CFAP99: variants seen among roughly 807,000 people sequenced by gnomAD.
CFAP99 encodes the protein cilia- and flagella-associated protein 99.
CFAP99 carries 84 observed loss-of-function variants against 82.7 expected under a neutral mutation model. The ratio of observed to expected loss-of-function variants is 1.02; its 90% CI spans 0.85 to 1.22. The LOEUF is 1.22. CFAP99 is among the 50% of genes most tolerant of loss of function. The pLI is 0.00. For missense variants in CFAP99, 1,059 were observed against 983.5 expected (o/e 1.08, Z -1.03); for synonymous variants, 456 against 429.5 (o/e 1.06, Z -0.76).
At chr4:2,460,893 C>G (rs909516085) in intron 14 of CFAP99, among the ~76,000 whole-genome samples, 4 of 152,126 alleles carry the variant, frequency 2.6e-5, no homozygotes, top group Non-Finnish European at 4.4e-5. Flanking sequence ...CACACACCAC[C>G]ACGCCCGGCT....
chr4:2,438,170 C>T lies in CFAP99; in HGVS notation c.351+6C>T. The T allele has an allele frequency of 6.6e-7, 1 of 1,518,136 alleles. No homozygotes were observed. The highest frequency in any genetic ancestry group is 8.8e-7 in the Non-Finnish European group (1 of 1,130,804). 94.0% of individuals were successfully genotyped at this position (1,518,136 alleles called of 1,614,324 possible). On this transcript the variant is annotated splice_donor_region_variant and intron_variant, in intron 4 of 14. Coordinates refer to ENST00000635017, the Ensembl canonical transcript of CFAP99. ...CCGTGGATAAGATGTGCAAGGTGAG[C>T]CACCCCTACCTGCCCACCAGGCCAC...
chr4:2,439,392 C>T (rs375573421), intron 4 of CFAP99, among the ~76,000 whole-genome samples: 1 of 152,186 alleles, frequency 6.6e-6, no homozygotes, highest in African/African-American at 2.4e-5. Context: ...GGGAAAGCCC[C>T]TGGGCCCAGA....
Position 2,462,778 on chromosome 4 carries a change from C to G in CFAP99, c.1997C>G (p.Pro666Arg). ...GGCGCGGGAGGCGGTGGGGGCGTCC[C>G]TGCCCGCGCCGACGCGTTCCCCGGC... Residue 666 changes from proline to arginine, a missense_variant, in exon 15 of 15, where the codon CCT (proline) becomes CGT (arginine). Physicochemically the swap from Pro to Arg is moderately radical, Grantham distance 103. Transcript: ENST00000635017. This position sits in a 1 kb window ranked among gnomAD's most constrained non-coding sequence, Gnocchi z 4.1. The G allele has an allele frequency of 7.8e-7, 1 of 1,274,236 alleles. No homozygotes were observed. The highest frequency in any genetic ancestry group is 9.9e-7 in the Non-Finnish European group (1 of 1,011,696). The allele number at this position is 1,274,236 out of a possible 1,614,324, so 78.9% of individuals were successfully genotyped here.
rs940648355 is a variant in CFAP99, at chr4:2,436,934, C to T, written c.172C>T (p.Arg58Trp). 4.2e-5 allele frequency: 64 copies of T among 1,535,942 alleles called. No homozygotes were observed. Among genetic ancestry groups the T allele is most frequent in the Non-Finnish European group, 4.2e-5 (48 of 1,146,858 alleles). Residue 58 changes from arginine (R) to tryptophan (W), a missense_variant, in exon 3 of 15, where the codon CGG becomes TGG. Transcript: ENST00000635017. Reference sequence around the variant, plus strand: ...GGTTCTGTCTGGGTGCCTCGAGTACCGGAAGCTGCTGACCGTCGTGGTGGA... The same window carrying T: ...GGTTCTGTCTGGGTGCCTCGAGTACTGGAAGCTGCTGACCGTCGTGGTGGA...
Position 2,446,100 on chromosome 4 carries a change from C to A in CFAP99, c.642+792C>A, listed in dbSNP as rs1051368818. ...TATATGGGAGGGGAAGGGGATGGTG[C>A]TGGGAGGCCCCAGAATCCTGCCCCA... On this transcript the variant is annotated intron_variant, in intron 6 of 14. Coordinates refer to ENST00000635017, the Ensembl canonical transcript of CFAP99. This position sits in a 1 kb window ranked among gnomAD's most constrained non-coding sequence, Gnocchi z 5.0. Among the ~76,000 whole-genome samples, 4 of 152,208 alleles carry A rather than the reference C, an allele frequency of 2.6e-5. No individual in the cohort carries two copies. In the South Asian group the frequency reaches 6.2e-4, roughly 24 times the overall value.
At chr4:2,450,776 A>AAGATAGAGACCC (rs1243772080) in intron 8 of CFAP99, among the ~76,000 whole-genome samples, 171 bp from the exon 9 acceptor site, 1 of 152,082 alleles carries the variant, frequency 6.6e-6, no homozygotes, top group African/African-American at 2.4e-5. Flanking sequence ...GGGGCATTGG[A>AAGATAGAGACCC]AGATAGAGAC....
exon 3 of CFAP99, chr4:2,436,983 G>A (rs760017140): frequency 1.4e-5 from 22 of 1,535,938 alleles, no homozygotes; most frequent in Middle Eastern, 3.3e-4. Flanking sequence ...GAGGATGGCC[G>A]ACTCTGCCTG....
exon 14 of CFAP99, chr4:2,460,055 G>A (rs1210896806): frequency 1.3e-6 from 2 of 1,535,988 alleles, no homozygotes; most frequent in Middle Eastern, 1.7e-4. Flanking sequence ...CTACGGCCTG[G>A]AAGGAGAGAT....
In CFAP99 at chr4:2,445,314, T is replaced by G; in HGVS notation, c.642+6T>G. 1 of 1,331,658 alleles carries G rather than the reference T, an allele frequency of 7.5e-7. No individual in the cohort carries two copies. Among genetic ancestry groups the G allele is most frequent in the Non-Finnish European group, 9.6e-7 (1 of 1,042,714 alleles). 82.5% of individuals were successfully genotyped at this position (1,331,658 alleles called of 1,614,324 possible). On this transcript the variant is annotated splice_donor_region_variant and intron_variant, in intron 6 of 14. Transcript: ENST00000635017. ...TCGTGGCCAAGCCGAGACCCGTGAG[T>G]GTGGGCATTCTCAGCAGGCACTGGC...
chr4:2,438,164 G>A (rs751257353), exon 4 of CFAP99: 3 of 1,531,502 alleles, frequency 2.0e-6, no homozygotes, highest in South Asian at 1.2e-5. Context: ...AGATGTGCAA[G>A]GTGAGCCACC....
intron 5 of CFAP99, among the ~76,000 whole-genome samples, chr4:2,444,168 G>A (rs1386401978): frequency 2.6e-5 from 4 of 152,262 alleles, no homozygotes; most frequent in Non-Finnish European, 2.9e-5. Context: ...CCAAAGGAAG[G>A]AGTAGGAGTG....
exon 3 of CFAP99, chr4:2,436,994 C>T (rs950863894): frequency 6.5e-6 from 10 of 1,535,956 alleles, no homozygotes; most frequent in African/African-American, 2.7e-5. Flanking sequence ...ACTCTGCCTG[C>T]GGGTTGACCA....
chr4:2,425,024 A>G (rs1733656141), intron 1 of CFAP99, among the ~76,000 whole-genome samples: 3 of 152,110 alleles, frequency 2.0e-5, no homozygotes, highest in Admixed American at 2.0e-4. Flanking sequence ...TACTTTCTAT[A>G]GCTTCATCTT....
At chr4:2,433,220 A>G (rs1578467278) in intron 2 of CFAP99, among the ~76,000 whole-genome samples, 1 of 152,218 alleles carries the variant, frequency 6.6e-6, no homozygotes, top group East Asian at 1.9e-4. Flanking sequence ...CTCCGACCTT[A>G]TGAAAAATGC....
intron 4 of CFAP99, among the ~76,000 whole-genome samples, chr4:2,440,567 C>CA (rs1043919849): frequency 6.6e-6 from 1 of 151,762 alleles, no homozygotes; most frequent in Non-Finnish European, 1.5e-5. Flanking sequence ...GCCTGGGCGA[C>CA]AGAGCAAAAC....
intron 8 of CFAP99, 51 bp from the exon 9 acceptor site, chr4:2,450,896 C>T: frequency 6.8e-7 from 1 of 1,477,470 alleles, no homozygotes; most frequent in Non-Finnish European, 9.1e-7. Context: ...TGTTTGGGGG[C>T]ACCCAGCAGG....
At chr4:2,430,558 C>T (rs1292443116) in intron 2 of CFAP99, among the ~76,000 whole-genome samples, 8 of 151,292 alleles carry the variant, frequency 5.3e-5, no homozygotes, top group Admixed American at 6.6e-5. Context: ...CAGAAAATTA[C>T]GCAATACGTA....
Position 2,462,494 on chromosome 4 carries a change from C to G in CFAP99, c.1713C>G (p.Asp571Glu). 1 of 1,476,972 alleles carries G rather than the reference C, an allele frequency of 6.8e-7. No individual in the cohort carries two copies. The highest frequency in any genetic ancestry group is 8.9e-7 in the Non-Finnish European group (1 of 1,122,946). 91.5% of individuals were successfully genotyped at this position (1,476,972 alleles called of 1,614,324 possible). A position where few individuals can be genotyped will look rare whatever the true frequency, so the allele number is the denominator to read the frequency against. Residue 571 changes from aspartate to glutamate, a missense_variant, in exon 15 of 15, where the codon GAC (aspartate) becomes GAG (glutamate). Transcript: ENST00000635017. This position sits in a 1 kb window ranked among gnomAD's most constrained non-coding sequence, Gnocchi z 4.1. ...CGGCCCCGGCGGCGCCCTCGCAGGACGAGCGCGTGCAGCAGCTGCGGCGCA... is the reference window on the plus strand; with the variant it reads ...CGGCCCCGGCGGCGCCCTCGCAGGAGGAGCGCGTGCAGCAGCTGCGGCGCA...
intron 13 of CFAP99, 109 bp from the exon 14 acceptor site, chr4:2,459,928 G>C (rs1025447207): frequency 5.3e-6 from 5 of 946,784 alleles, no homozygotes; most frequent in Non-Finnish European, 6.5e-6. Context: ...TGTTGAAGCA[G>C]AGGGAAGGTG....
Sources: allele counts gnomAD v4.1 joint callset (sites outside exome capture counted in the v4.1 genomes callset), GRCh38; gene constraint gnomAD v4.1.1; non-coding constraint Gnocchi (gnomAD v3.1); transcripts MANE v1.5; gene names NCBI Gene and HGNC (gene_info 2026-07-23, HGNC 2026-07-21).